SNTG2: variants seen among roughly 807,000 people sequenced by gnomAD.
SNTG2 encodes syntrophin gamma 2, also known as gamma-2-syntrophin.
SNTG2 carries 74 observed loss-of-function variants against 70.9 expected under a neutral mutation model. That is an observed-to-expected ratio of 1.04 (90% CI 0.86 to 1.27). The LOEUF is 1.27. Ranked by LOEUF, SNTG2 falls within the 50% of genes most tolerant of loss-of-function variation. The pLI is 0.00. For synonymous variants in SNTG2, 278 were observed against 273.8 expected (o/e 1.02, Z -0.15); for missense variants, 717 against 690.7 (o/e 1.04, Z -0.43).
At chr2:1,206,486 T>C (rs1673641581) in intron 8 of SNTG2, among the ~76,000 whole-genome samples, 1 of 152,148 alleles carries the variant, frequency 6.6e-6, no homozygotes, top group African/African-American at 2.4e-5. Context: ...TGGCCCTCAG[T>C]AGATGGGAGC....
intron 13 of SNTG2, 62 bp downstream of exon 13, chr2:1,259,503 A>ACAAACAATCCTCTCATTC: frequency 7.4e-7 from 1 of 1,348,480 alleles, no homozygotes; most frequent in Non-Finnish European, 1.1e-6. Context: ...GGCTTGCAGA[A>ACAAACAATCCTCTCATTC]TGAGAGGATT....
chr2:1,302,692 A>C (rs1572947178), intron 14 of SNTG2, among the ~76,000 whole-genome samples: 1 of 152,334 alleles, frequency 6.6e-6, no homozygotes, highest in Non-Finnish European at 1.5e-5. Flanking sequence ...GCACCAAGTA[A>C]GAAACAGAGA....
intron 4 of SNTG2, among the ~76,000 whole-genome samples, chr2:1,119,966 T>C (rs1379300983): frequency 6.6e-6 from 1 of 152,158 alleles, no homozygotes; most frequent in Non-Finnish European, 1.5e-5. Context: ...TCACCTTGAA[T>C]ATTACAAACA....
At chr2:1,325,670 A>G (rs1681728606) in intron 16 of SNTG2, among the ~76,000 whole-genome samples, 1 of 152,224 alleles carries the variant, frequency 6.6e-6, no homozygotes, top group Non-Finnish European at 1.5e-5. Flanking sequence ...GTAGTTGATT[A>G]TGCTTTTTTA....
At chr2:1,177,858 C>A (rs987053829) in intron 8 of SNTG2, among the ~76,000 whole-genome samples, 2 of 152,024 alleles carry the variant, frequency 1.3e-5, no homozygotes, top group Non-Finnish European at 2.9e-5. Context: ...TAAATAATTT[C>A]TTTTATATTA....
intron 14 of SNTG2, among the ~76,000 whole-genome samples, chr2:1,285,885 C>G (rs912835483): frequency 6.6e-6 from 1 of 152,158 alleles, no homozygotes; most frequent in Non-Finnish European, 1.5e-5. Flanking sequence ...TTCCCATTGA[C>G]CTTAATCATA....
At chr2:1,007,498 G>A (rs182729477) in intron 1 of SNTG2, among the ~76,000 whole-genome samples, 4 of 152,270 alleles carry the variant, frequency 2.6e-5, no homozygotes, top group Non-Finnish European at 5.9e-5. Context: ...TTAATTATAT[G>A]TGTTACACAT....
chr2:1,055,858 T>C (rs762086922), intron 1 of SNTG2, among the ~76,000 whole-genome samples: 28 of 152,190 alleles, frequency 1.8e-4, no homozygotes, highest in Admixed American at 7.8e-4. Context: ...ATGTGCAGAA[T>C]GAGCAGGTGT....
chr2:1,131,840 C>T (rs1668035974), intron 4 of SNTG2, among the ~76,000 whole-genome samples: 2 of 151,908 alleles, frequency 1.3e-5, no homozygotes, highest in African/African-American at 4.8e-5. Context: ...TTAGTAGAGA[C>T]GGGATTTCAC....
intron 13 of SNTG2, among the ~76,000 whole-genome samples, chr2:1,265,823 G>T (rs1250342425): frequency 6.6e-6 from 1 of 152,194 alleles, no homozygotes; most frequent in Non-Finnish European, 1.5e-5. Flanking sequence ...CTTCCTTTCT[G>T]CTGCCATATG....
chr2:1,318,635 G>C (rs1429296369), intron 16 of SNTG2, among the ~76,000 whole-genome samples: 1 of 152,242 alleles, frequency 6.6e-6, no homozygotes, highest in East Asian at 1.9e-4. Context: ...CCACCAGCAA[G>C]GTGGGAACGC....
At position 1,079,290 on chromosome 2, in the gene SNTG2, G is replaced by A. The variant is rs567855840; in HGVS notation, c.73-4228G>A. Among the ~76,000 whole-genome samples the A allele has an allele frequency of 3.3e-5, 5 of 152,348 alleles. No homozygotes were observed. In the South Asian group the frequency reaches 1.0e-3, roughly 32 times the overall value. ...TCTCCAGGGCACAGGAAGGGGCACA[G>A]AAAGCAGTGCCTGGAGGGCATATTA... On this transcript the variant is annotated intron_variant, in intron 1 of 16. Transcript: ENST00000308624.
At chr2:1,149,726 T>C (rs569667260) in intron 6 of SNTG2, among the ~76,000 whole-genome samples, 4 of 146,036 alleles carry the variant, frequency 2.7e-5, no homozygotes, top group African/African-American at 7.7e-5. Context: ...CTGGCTCTGT[T>C]GCCCAGGCTG....
intron 9 of SNTG2, among the ~76,000 whole-genome samples, chr2:1,227,068 A>C (rs1675838135): frequency 6.6e-6 from 1 of 152,240 alleles, no homozygotes; most frequent in East Asian, 1.9e-4. Flanking sequence ...GTCCTTGTAC[A>C]TTCAGCACCA....
At chr2:1,178,762 C>G (rs1239685982) in intron 8 of SNTG2, among the ~76,000 whole-genome samples, 1 of 151,890 alleles carries the variant, frequency 6.6e-6, no homozygotes, top group Admixed American at 6.6e-5. Context: ...GTCTAAAATT[C>G]TCTTTTTTTG....
At chr2:1,342,196 G>A (rs911395354) in intron 16 of SNTG2, among the ~76,000 whole-genome samples, 7 of 151,564 alleles carry the variant, frequency 4.6e-5, no homozygotes, top group Non-Finnish European at 1.0e-4. Context: ...AGACAAGGCC[G>A]GTTTCTTGCT....
intron 9 of SNTG2, among the ~76,000 whole-genome samples, chr2:1,216,901 AG>A (rs1011258129): frequency 6.6e-6 from 1 of 151,518 alleles, no homozygotes; most frequent in African/African-American, 2.4e-5. Context: ...TGGTTTTGTA[AG>A]GGGCTCTTTC....
intron 9 of SNTG2, 110 bp from the exon 10 acceptor site, chr2:1,237,778 C>A: frequency 7.2e-7 from 1 of 1,379,718 alleles, no homozygotes; most frequent in Non-Finnish European, 9.7e-7. Flanking sequence ...GCAGTTGCCC[C>A]ATGTCCTGGG....
intron 4 of SNTG2, among the ~76,000 whole-genome samples, chr2:1,125,530 A>T (rs1667644700): frequency 6.6e-6 from 1 of 152,242 alleles, no homozygotes; most frequent in Non-Finnish European, 1.5e-5. Context: ...TAGTCATTCA[A>T]AACCCTTAAT....
Sources: gnomAD v4.1 joint callset for allele counts (sites outside exome capture counted in the v4.1 genomes callset) on GRCh38, gnomAD v4.1.1 for gene constraint, MANE v1.5 for transcripts, NCBI Gene and HGNC (gene_info 2026-07-23, HGNC 2026-07-21) for gene names.